The following CNP variants were observed in gnomAD, a reference collection of about 807,000 sequenced individuals.
The protein encoded by CNP is 2',3'-cyclic nucleotide 3' phosphodiesterase, also known as 2',3'-cyclic-nucleotide 3'-phosphodiesterase.
A neutral mutation model predicts 37.9 loss-of-function variants in CNP; 8 were observed. That is an observed-to-expected ratio of 0.21 (90% CI 0.12 to 0.38). The LOEUF (loss-of-function observed/expected upper bound fraction) is 0.38, where lower values mean the gene tolerates loss of function less well. CNP is among the 10% of genes least tolerant of loss of function. The pLI is 1.00. For synonymous variants in CNP, 237 were observed against 238.3 expected, an observed-to-expected ratio of 0.99 and a Z score of 0.05; for missense variants, 457 against 551.0, an observed-to-expected ratio of 0.83 and a Z score of 1.71.
chr17:41,976,958 G>A lies in CNP; in HGVS notation c.*3034G>A. 2.9e-6 allele frequency: 2 copies of A among 692,728 alleles called. No homozygotes were observed. Among genetic ancestry groups the A allele is most frequent in the Non-Finnish European group, 4.8e-6 (2 of 419,300 alleles). 42.9% of individuals were successfully genotyped at this position (692,728 alleles called of 1,614,324 possible). A position where few individuals can be genotyped will look rare whatever the true frequency, so the allele number is the denominator to read the frequency against. ...CACGTGACTGTATTATACATGGGTA[G>A]CTTCTGACCTCAGCATTATCTATAT... On this transcript the variant is annotated 3_prime_UTR_variant, in exon 4 of 4. Coordinates refer to ENST00000393892, the MANE Select transcript of CNP (RefSeq NM_033133.5).
At chr17:41,966,977 G>A in intron 1 of CNP, 90 bp downstream of exon 1, 1 of 1,245,290 alleles carries the variant, frequency 8.0e-7, no homozygotes, top group East Asian at 3.2e-5. Context: ...TTGCAAACGA[G>A]GACCCGGGGC....
intron 1 of CNP, chr17:41,967,814 C>A: frequency 1.5e-6 from 2 of 1,329,000 alleles, no homozygotes; most frequent in Middle Eastern, 2.9e-4. Context: ...TGGCGCGCCC[C>A]GCATGCCTCC....
chr17:41,971,774 T>G, intron 2 of CNP, 118 bp from the exon 3 acceptor site: 1 of 1,340,658 alleles, frequency 7.5e-7, no homozygotes, highest in East Asian at 2.3e-5. Context: ...TGTAGTGGGT[T>G]GCTGGAGAGG....
At position 41,968,580 on chromosome 17, in the gene CNP, T is replaced by A; in HGVS notation, c.516T>A (p.Asp172Glu). 2 of 1,614,014 alleles carry A rather than the reference T, an allele frequency of 1.2e-6. No homozygotes were observed. Among genetic ancestry groups the A allele is most frequent in the Non-Finnish European group, 1.7e-6 (2 of 1,180,018 alleles). ...AGAACCAGTGGCAGCTGTCGGCTGA[T>A]GACCTGAAGAAGCTGAAGCCTGGGC... is the stretch of plus-strand genomic sequence containing the variant. ...KEKNQWQLSA[D>E]DLKKLKPGLE... The change falls in exon 2 of 4, where the codon GAT becomes GAA. Residue 172 changes from aspartate to glutamate, a missense_variant. Coordinates refer to ENST00000393892, the MANE Select transcript of CNP (RefSeq NM_033133.5). This position sits in a 1 kb window ranked among gnomAD's most constrained non-coding sequence, Gnocchi z 4.8.
rs2051057579 is a variant in CNP at position 41,975,136 on chromosome 17, C to A, written c.*1212C>A. 6.6e-6 allele frequency: 1 copy of A among 152,252 alleles called. No individual in the cohort carries two copies. The highest frequency in any genetic ancestry group is 2.4e-5 in the African/African-American group (1 of 41,438). 9.4% of individuals were successfully genotyped at this position (152,252 alleles called of 1,614,324 possible). A position where few individuals can be genotyped will look rare whatever the true frequency, so the allele number is the denominator to read the frequency against. On this transcript the variant is annotated 3_prime_UTR_variant, in exon 4 of 4. Transcript: ENST00000393892. The stretch of plus-strand genomic sequence containing the variant: ...TCCTGGCTTTGCCCAACCTCAGCAA[C>A]CTGTAAGACTGATAATGAAATAAAT...
In CNP at chr17:41,968,464, C is replaced by A. The variant is rs2050935892; in HGVS notation, c.400C>A (p.Leu134Ile). The A allele has an allele frequency of 6.2e-7, 1 of 1,614,136 alleles. No individual in the cohort carries two copies. Among genetic ancestry groups the A allele is most frequent in the Non-Finnish European group, 8.5e-7 (1 of 1,180,046 alleles). ...TNHERERLEQ[L>I]FEMADQYQYQ... ...CCACGAACGGGAACGGCTGGAGCAG[C>A]TCTTTGAAATGGCCGACCAGTACCA... The change falls in exon 2 of 4, where the codon CTC (leucine) becomes ATC (isoleucine). Residue 134 changes from leucine to isoleucine, a missense_variant. This residue lies in a region of CNP where 166 missense variants were observed against 259.3 expected (regional missense o/e 0.64). Coordinates refer to ENST00000393892, the MANE Select transcript of CNP (RefSeq NM_033133.5). This position sits in a 1 kb window ranked among gnomAD's most constrained non-coding sequence, Gnocchi z 4.8.
At chr17:41,969,591 T>A (rs1555643497) in intron 2 of CNP, among the ~76,000 whole-genome samples, 2 of 152,230 alleles carry the variant, frequency 1.3e-5, no homozygotes, top group East Asian at 1.9e-4. Flanking sequence ...AGTCTCCCTC[T>A]GTTGCCCAGG....
chr17:41,976,334 T>C lies in CNP; in HGVS notation c.*2410T>C. 1 of 223,382 alleles carries C rather than the reference T, an allele frequency of 4.5e-6. No individual in the cohort carries two copies. Among genetic ancestry groups the C allele is most frequent in the Non-Finnish European group, 8.7e-6 (1 of 114,562 alleles). 13.8% of individuals were successfully genotyped at this position (223,382 alleles called of 1,614,324 possible). On this transcript the variant is annotated 3_prime_UTR_variant, in exon 4 of 4. Coordinates refer to ENST00000393892, the MANE Select transcript of CNP (RefSeq NM_033133.5). The stretch of plus-strand genomic sequence containing the variant: ...GTGCCCCACCTGCCACTAGGCTGGG[T>C]GCCCACAGCCCGCATGCAGCAGCTT...
In CNP at chr17:41,977,297, C is replaced by A; in HGVS notation, c.*3373C>A. 2 of 1,584,928 alleles carry A rather than the reference C, an allele frequency of 1.3e-6. No individual in the cohort carries two copies. The highest frequency in any genetic ancestry group is 1.7e-6 in the Non-Finnish European group (2 of 1,165,590). On this transcript the variant is annotated 3_prime_UTR_variant, in exon 4 of 4. Transcript: ENST00000393892. ...AAGCCGCCAGGACCGCCAAAGAATG[C>A]CTTGAAGATATTGTTTGGATCAAAA...
chr17:41,966,909 G>A, intron 1 of CNP, 22 bp downstream of exon 1: 1 of 1,337,010 alleles, frequency 7.5e-7, no homozygotes, highest in Non-Finnish European at 9.6e-7. Context: ...GGCGGGGCCG[G>A]GCACGGGGTA....
intron 3 of CNP, 81 bp downstream of exon 3, chr17:41,972,112 G>A (rs1020202920): frequency 6.5e-6 from 10 of 1,545,384 alleles, no homozygotes; most frequent in South Asian, 2.3e-5. Flanking sequence ...GATAGGTACC[G>A]GTGCCAGGCA....
chr17:41,968,089 A>G lies in CNP; in HGVS notation c.25A>G (p.Ser9Gly), dbSNP rs1305166537. ...ACAGAACAGAGGCTTCTCCCGAAAAAGCCACACATTCCTGCCCAAGATCTT... is the reference window on the plus strand; with the variant it reads ...ACAGAACAGAGGCTTCTCCCGAAAAGGCCACACATTCCTGCCCAAGATCTT... MNRGFSRK[S>G]HTFLPKIFFR... The change falls in exon 2 of 4, where the codon AGC becomes GGC. Residue 9 changes from serine to glycine, a missense_variant. Ser to Gly is a moderately conservative substitution (Grantham distance 56, BLOSUM62 0). Transcript: ENST00000393892. The surrounding 1 kb of genome is among the most constrained non-coding windows in gnomAD (Gnocchi z 4.8). 62 of 1,613,654 alleles carry G rather than the reference A, an allele frequency of 3.8e-5. No individual in the cohort carries two copies. The highest frequency in any genetic ancestry group is 5.3e-5 in the Non-Finnish European group (62 of 1,179,704).
intron 1 of CNP, chr17:41,967,809 C>T (rs1319513841): frequency 7.6e-7 from 1 of 1,311,054 alleles, no homozygotes; most frequent in Non-Finnish European, 9.7e-7. Flanking sequence ...GCTCCTGGCG[C>T]GCCCCGCATG....
At chr17:41,969,804 C>T (rs1318782427) in intron 2 of CNP, among the ~76,000 whole-genome samples, 1 of 152,190 alleles carries the variant, frequency 6.6e-6, no homozygotes, top group East Asian at 1.9e-4. Flanking sequence ...GATCCGCTTG[C>T]CTTGGCCTCC....
intron 1 of CNP, chr17:41,967,558 C>G: frequency 1.6e-6 from 1 of 640,868 alleles, no homozygotes; most frequent in African/African-American, 2.0e-5. Context: ...TGCCCTGCCC[C>G]CCACCAGCCC....
intron 2 of CNP, 57 bp from the exon 3 acceptor site, chr17:41,971,835 C>A: frequency 6.2e-7 from 1 of 1,601,076 alleles, no homozygotes; most frequent in Non-Finnish European, 8.5e-7. Flanking sequence ...GTCCTGGTGG[C>A]GGATGTTGGT....
At position 41,968,391 on chromosome 17, in the gene CNP, C is replaced by T. The variant is rs782779483; in HGVS notation, c.327C>T (p.Ala109=). The change falls in exon 2 of 4, where the codon GCC becomes GCT. Residue 109 remains alanine, a synonymous_variant. Transcript: ENST00000393892. This position sits in a 1 kb window ranked among gnomAD's most constrained non-coding sequence, Gnocchi z 4.8. ...AGCGGCTCGATGAGGACCTGGCTGC[C>T]TACTGCCGCCGCCGGGACATCAGAA... is the stretch of plus-strand genomic sequence containing the variant. The part of the protein sequence containing the change: ...EYKRLDEDLA[A]YCRRRDIRIL... 1.2e-6 allele frequency: 2 copies of T among 1,614,034 alleles called. No individual in the cohort carries two copies. The highest frequency in any genetic ancestry group is 1.1e-5 in the South Asian group (1 of 91,072).
rs372029848 is a variant in CNP, at chr17:41,968,672, G to A, written c.608G>A (p.Arg203His). ...FLTKKSSETL[R>H]KAGQVFLEEL... ...ACCAAGAAGAGCTCTGAGACCCTCC[G>A]CAAAGCCGGCCAGGTCTTCCTGGAA... Residue 203 changes from arginine (R) to histidine (H), a missense_variant, in exon 2 of 4, where the codon CGC (arginine) becomes CAC (histidine). Coordinates refer to ENST00000393892, the MANE Select transcript of CNP (RefSeq NM_033133.5). This position sits in a 1 kb window ranked among gnomAD's most constrained non-coding sequence, Gnocchi z 4.8. 5.8e-5 allele frequency: 94 copies of A among 1,613,918 alleles called. No individual in the cohort carries two copies. In the Admixed American group the frequency reaches 8.8e-4, roughly 15 times the overall value.
intron 3 of CNP, among the ~76,000 whole-genome samples, chr17:41,972,440 C>T (rs2144567482): frequency 6.6e-6 from 1 of 152,226 alleles, no homozygotes; most frequent in African/African-American, 2.4e-5. Context: ...TCTGGCCTGG[C>T]CCCAGAGTGA....
Sources: gnomAD v4.1 joint callset for allele counts (sites outside exome capture counted in the v4.1 genomes callset) on GRCh38, gnomAD v4.1.1 for gene constraint, gnomAD v4.1.1 regional missense constraint, Gnocchi (gnomAD v3.1) non-coding constraint, MANE v1.5 for transcripts, NCBI Gene and HGNC (gene_info 2026-07-23, HGNC 2026-07-21) for gene names.